The following ACVR1B variants were observed in gnomAD, a reference collection of about 807,000 sequenced individuals.
ACVR1B encodes activin A receptor type 1B.
ACVR1B carries 15 observed loss-of-function variants against 55.6 expected under a neutral mutation model. The ratio of observed to expected loss-of-function variants is 0.27; its 90% CI spans 0.18 to 0.42. The LOEUF is 0.42. Ranked by LOEUF, ACVR1B falls within the 10% of genes least tolerant of loss-of-function variation. The pLI, the probability that ACVR1B is intolerant of heterozygous loss-of-function variation, is 1.00. For synonymous variants in ACVR1B, 247 were observed against 254.6 expected, an observed-to-expected ratio of 0.97 and a Z score of 0.28; for missense variants, 359 against 670.1, an observed-to-expected ratio of 0.54 and a Z score of 5.13.
At chr12:51,990,970 G>T (rs560427844) in intron 7 of ACVR1B, among the ~76,000 whole-genome samples, 3 of 152,158 alleles carry the variant, frequency 2.0e-5, no homozygotes, top group Non-Finnish European at 4.4e-5. Flanking sequence ...GGGTTCCTCT[G>T]TCCTTCTGTG....
intron 6 of ACVR1B, among the ~76,000 whole-genome samples, chr12:51,985,924 G>C (rs752115141): frequency 3.3e-5 from 5 of 152,170 alleles, no homozygotes; most frequent in South Asian, 2.1e-4. Flanking sequence ...GTGGAAATCT[G>C]CTGAATCTAA....
At chr12:51,962,859 T>C (rs907021044) in intron 1 of ACVR1B, among the ~76,000 whole-genome samples, 4 of 152,326 alleles carry the variant, frequency 2.6e-5, no homozygotes, top group South Asian at 2.1e-4. Context: ...CTGAAATTAT[T>C]AGGCTGAGAT....
rs563991818 is a variant in ACVR1B, at chr12:51,970,616, A to G, written c.92-4649A>G. On this transcript the variant is annotated intron_variant, in intron 1 of 8. Transcript: ENST00000257963. ...TATCCGTACTGGAGAGGGTTGGGAT[A>G]AGGGCCAGGGAAGAATAATTAAAAT... Among the ~76,000 whole-genome samples, 6 of 152,322 alleles carry G rather than the reference A, an allele frequency of 3.9e-5. No homozygotes were observed. In the East Asian group the frequency reaches 1.2e-3, roughly 29 times the overall value.
chr12:51,990,712 T>C (rs944833820), intron 7 of ACVR1B, among the ~76,000 whole-genome samples: 4 of 152,232 alleles, frequency 2.6e-5, no homozygotes, highest in Admixed American at 6.5e-5. Context: ...CAATAAGTTT[T>C]ATCCCCTGCA....
chr12:51,982,083 A>G (rs774950353), intron 4 of ACVR1B, among the ~76,000 whole-genome samples: 2 of 152,320 alleles, frequency 1.3e-5, no homozygotes, highest in Non-Finnish European at 2.9e-5. Flanking sequence ...ATTGACTAGC[A>G]AAGGATGACG....
At chr12:51,979,600 A>G (rs77064582) in intron 3 of ACVR1B, among the ~76,000 whole-genome samples, 3,870 of 152,256 alleles carry the variant, frequency 0.025, 167 homozygotes, top group African/African-American at 0.09. Flanking sequence ...CTGTATGTTT[A>G]AAGAACTTTT....
At chr12:51,973,995 C>T (rs767996071) in intron 1 of ACVR1B, among the ~76,000 whole-genome samples, 1 of 152,160 alleles carries the variant, frequency 6.6e-6, no homozygotes, top group Admixed American at 6.5e-5. Flanking sequence ...GAGGAAGAGA[C>T]GAAGATAGAC....
chr12:51,965,761 A>T (rs1941627060), intron 1 of ACVR1B, among the ~76,000 whole-genome samples: 1 of 152,228 alleles, frequency 6.6e-6, no homozygotes, highest in Non-Finnish European at 1.5e-5. Context: ...GTGATTAGAG[A>T]CTGATTATCC....
rs1942260568 is a variant in ACVR1B, at chr12:51,994,427, A to G, written c.*317A>G. ...TGCATCTGGCACGTGGCCAGGAGCC[A>G]TGACAGGGGCGCTTGGGAGGGGCCG... is the stretch of plus-strand genomic sequence containing the variant. On this transcript the variant is annotated 3_prime_UTR_variant, in exon 9 of 9. Coordinates refer to ENST00000257963, the MANE Select transcript of ACVR1B (RefSeq NM_004302.5). The surrounding 1 kb of genome is among the most constrained non-coding windows in gnomAD (Gnocchi z 4.2). The G allele has an allele frequency of 6.1e-6, 2 of 327,678 alleles. No homozygotes were observed. Among genetic ancestry groups the G allele is most frequent in the Non-Finnish European group, 5.7e-6 (1 of 174,276 alleles). The allele number at this position is 327,678 out of a possible 1,614,324, so 20.3% of individuals were successfully genotyped here. A position where few individuals can be genotyped will look rare whatever the true frequency, so the allele number is the denominator to read the frequency against.
At chr12:51,970,360 C>T (rs1304710582) in intron 1 of ACVR1B, among the ~76,000 whole-genome samples, 3 of 152,212 alleles carry the variant, frequency 2.0e-5, no homozygotes, top group Non-Finnish European at 4.4e-5. Flanking sequence ...AGCCCCTTAA[C>T]TTCTCCGAGG....
Position 51,987,756 on chromosome 12 carries a change from A to G in ACVR1B, c.1261+814A>G, listed in dbSNP as rs575381554. 2.6e-5 allele frequency: 4 copies of G among 152,754 alleles called. No individual in the cohort carries two copies. The South Asian group carries it at 8.2e-4, about 31-fold the overall frequency. 9.5% of individuals were successfully genotyped at this position (152,754 alleles called of 1,614,324 possible). On this transcript the variant is annotated intron_variant, in intron 7 of 8. Transcript: ENST00000257963. Reference sequence around the variant, plus strand: ...GACATGCAAATTCCTGAAGCGTTCCATATTTTTTAAAGACCTAGTATTTGA... The same window carrying G: ...GACATGCAAATTCCTGAAGCGTTCCGTATTTTTTAAAGACCTAGTATTTGA...
At chr12:51,984,760 T>G (rs745529258) in intron 5 of ACVR1B, among the ~76,000 whole-genome samples, 1 of 152,204 alleles carries the variant, frequency 6.6e-6, no homozygotes, top group South Asian at 2.1e-4. Context: ...CCCGTGAAAG[T>G]TGGATCCTAT....
chr12:51,985,000 A>G (rs762774626), intron 5 of ACVR1B, among the ~76,000 whole-genome samples, 192 bp from the exon 6 acceptor site: 30 of 152,228 alleles, frequency 2.0e-4, no homozygotes, highest in African/African-American at 7.0e-4. Context: ...CAACAGTCCC[A>G]TGAAATAAGT....
rs2120599399 is a variant in ACVR1B at position 51,975,377 on chromosome 12, C to T, written c.204C>T (p.Thr68=). The T allele has an allele frequency of 6.2e-7, 1 of 1,614,190 alleles. No individual in the cohort carries two copies. Among genetic ancestry groups the T allele is most frequent in the Non-Finnish European group, 8.5e-7 (1 of 1,180,032 alleles). Residue 68 remains threonine, a synonymous_variant, in exon 2 of 9, where the codon ACC becomes ACT. Coordinates refer to ENST00000257963, the MANE Select transcript of ACVR1B (RefSeq NM_004302.5). ...NLDGMEHHVR[T]CIPKVELVPA... ...ATGGGATGGAGCACCATGTGCGCACCTGCATCCCCAAAGTGGAGCTGGTCC... is the reference window on the plus strand; with the variant it reads ...ATGGGATGGAGCACCATGTGCGCACTTGCATCCCCAAAGTGGAGCTGGTCC...
At chr12:51,979,140 G>GTGA in intron 3 of ACVR1B, among the ~76,000 whole-genome samples, 1 of 136,872 alleles carries the variant, frequency 7.3e-6, no homozygotes, top group Non-Finnish European at 1.5e-5. Flanking sequence ...TCCAGCCTGG[G>GTGA]CAGCAAGAGC....
intron 1 of ACVR1B, among the ~76,000 whole-genome samples, chr12:51,971,247 A>G (rs1404739441): frequency 6.6e-6 from 1 of 152,236 alleles, no homozygotes; most frequent in Non-Finnish European, 1.5e-5. Context: ...TTGCATTTAC[A>G]TCCTACCACA....
At chr12:51,951,961 G>A (rs1036312064) in intron 1 of ACVR1B, 127 bp downstream of exon 1, 7 of 485,754 alleles carry the variant, frequency 1.4e-5, no homozygotes, top group African/African-American at 2.1e-5. Context: ...GGTGGGGGGC[G>A]CAGAGGAGTC....
chr12:51,972,305 C>T (rs937488275), intron 1 of ACVR1B, among the ~76,000 whole-genome samples: 7 of 152,120 alleles, frequency 4.6e-5, no homozygotes, highest in Non-Finnish European at 7.3e-5. Context: ...AGTCACGTGC[C>T]GTATAACAGC....
chr12:51,980,773 C>T (rs927507176), intron 3 of ACVR1B, among the ~76,000 whole-genome samples, 196 bp from the exon 4 acceptor site: 1 of 152,220 alleles, frequency 6.6e-6, no homozygotes, highest in Non-Finnish European at 1.5e-5. Flanking sequence ...CACTCTTTCC[C>T]CATCTCTCCG....
Sources: allele counts gnomAD v4.1 joint callset (sites outside exome capture counted in the v4.1 genomes callset), GRCh38; gene constraint gnomAD v4.1.1; non-coding constraint Gnocchi (gnomAD v3.1); transcripts MANE v1.5; gene names NCBI Gene and HGNC (gene_info 2026-07-23, HGNC 2026-07-21).